Variants in CRB1 observed in about 807,000 individuals in gnomAD.
CRB1 encodes the protein protein crumbs homolog 1.
In CRB1, 83 loss-of-function variants were observed where a neutral mutation model predicts 120.0. The observed-to-expected ratio is 0.69, with a 90% confidence interval of 0.58 to 0.83. The LOEUF (loss-of-function observed/expected upper bound fraction) is 0.83. Ranked by LOEUF, CRB1 falls within the 40% of genes least tolerant of loss-of-function variation. The pLI, the probability that CRB1 is intolerant of heterozygous loss-of-function variation, is 0.00. For missense variants in CRB1, 1,699 were observed against 1,687.6 expected (o/e 1.01, Z -0.12); for synonymous variants, 625 against 612.5 (o/e 1.02, Z -0.30).
intron 5 of CRB1, among the ~76,000 whole-genome samples, chr1:197,378,364 A>G (rs1571429767): frequency 6.6e-6 from 1 of 152,348 alleles, no homozygotes; most frequent in Admixed American, 6.5e-5. Flanking sequence ...ACATTTTCCC[A>G]GGTGGCTATA....
intron 7 of CRB1, 77 bp from the exon 8 acceptor site, chr1:197,429,372 G>A: frequency 6.5e-7 from 1 of 1,529,818 alleles, no homozygotes. Flanking sequence ...TAAAAAAACA[G>A]ATATGTGGTT....
rs564571183 is a variant in CRB1 at position 197,344,441 on chromosome 1, T to C, written c.813T>C (p.Cys271=). ...CTGATGAGTGTGCCAGTCAACCTTG[T>C]CTCCATGGAGGGCTGTGTGTGGATG... ...LNTDECASQP[C]LHGGLCVDGE... Residue 271 remains cysteine (C), a synonymous_variant, in exon 3 of 12, where the codon TGT becomes TGC. Transcript: ENST00000367400. 2 of 1,614,094 alleles carry C rather than the reference T, an allele frequency of 1.2e-6. No homozygotes were observed. The highest frequency in any genetic ancestry group is 2.2e-5 in the South Asian group (2 of 91,068).
At chr1:197,288,581 C>A (rs1655972613) in intron 1 of CRB1, among the ~76,000 whole-genome samples, 1 of 151,760 alleles carries the variant, frequency 6.6e-6, no homozygotes. Context: ...GGCACCAAAA[C>A]AGTTATTACA....
chr1:197,217,890 A>G, the CRB1 span, among the ~76,000 whole-genome samples: 1 of 152,230 alleles, frequency 6.6e-6, no homozygotes, highest in Non-Finnish European at 1.5e-5. Context: ...TTTATGTGAA[A>G]AACATAGTAC....
At chr1:197,327,132 A>AAAAAAAAAC (rs1558055752) in intron 1 of CRB1, among the ~76,000 whole-genome samples, 3 of 148,778 alleles carry the variant, frequency 2.0e-5, no homozygotes, top group Admixed American at 6.7e-5. Flanking sequence ...AAAAAAAAAA[A>AAAAAAAAAC]CAGAAACCAA....
chr1:197,343,582 T>C (rs1376796972), intron 2 of CRB1, among the ~76,000 whole-genome samples: 2 of 152,158 alleles, frequency 1.3e-5, no homozygotes, highest in African/African-American at 4.8e-5. Flanking sequence ...GGTAGTATTT[T>C]ACAAAAAGAA....
intron 5 of CRB1, among the ~76,000 whole-genome samples, chr1:197,419,880 C>G (rs1311605363): frequency 6.7e-6 from 1 of 149,362 alleles, no homozygotes; most frequent in African/African-American, 2.5e-5. Context: ...GAGGCTGAGG[C>G]AGGAGAATGG....
the CRB1 span, among the ~76,000 whole-genome samples, chr1:197,219,867 GTA>G: frequency 2.6e-5 from 4 of 152,176 alleles, no homozygotes; most frequent in African/African-American, 9.7e-5. Flanking sequence ...CGGTTGTGTA[GTA>G]CTATCTCTGT....
At chr1:197,229,626 G>C in the CRB1 span, among the ~76,000 whole-genome samples, 1 of 152,026 alleles carries the variant, frequency 6.6e-6, no homozygotes, top group Non-Finnish European at 1.5e-5. Context: ...CTTCTCTAGT[G>C]GTTCCCAGTG....
intron 11 of CRB1, among the ~76,000 whole-genome samples, chr1:197,476,237 T>C (rs116674237): frequency 6.2e-4 from 94 of 151,888 alleles, no homozygotes; most frequent in African/African-American, 2.2e-3. Flanking sequence ...CTCCTTGAAG[T>C]ACTTGAGCAT....
chr1:197,341,995 A>G (rs1659492544), intron 2 of CRB1, among the ~76,000 whole-genome samples: 1 of 152,242 alleles, frequency 6.6e-6, no homozygotes, highest in Admixed American at 6.5e-5. Flanking sequence ...TGGTAGAGGT[A>G]TATGGTAGGT....
intron 5 of CRB1, among the ~76,000 whole-genome samples, chr1:197,390,913 C>T (rs557760330): frequency 6.6e-6 from 1 of 151,908 alleles, no homozygotes; most frequent in South Asian, 2.1e-4. Flanking sequence ...TAAGGTTATA[C>T]AAATATACTC....
intron 5 of CRB1, among the ~76,000 whole-genome samples, chr1:197,388,139 A>G (rs1003867753): frequency 6.6e-6 from 1 of 152,062 alleles, no homozygotes; most frequent in African/African-American, 2.4e-5. Flanking sequence ...GGTAGAACCT[A>G]CTACTCGATA....
Position 197,307,894 on chromosome 1 carries a change from C to T in CRB1, c.71-20528C>T. Among the ~76,000 whole-genome samples, 2 of 152,184 alleles carry T rather than the reference C, an allele frequency of 1.3e-5. 1 individual carries two copies. Among genetic ancestry groups the T allele is most frequent in the East Asian group, 3.8e-4 (2 of 5,196 alleles). On this transcript the variant is annotated intron_variant, in intron 1 of 11. Coordinates refer to ENST00000367400, the MANE Select transcript of CRB1 (RefSeq NM_201253.3). ...TGACCTTGAACAAGTTACTTAAACT[C>T]TCTTTTCGAGCTACCATTTAACCCA...
chr1:197,299,626 GA>G (rs1001434795), intron 1 of CRB1, among the ~76,000 whole-genome samples: 56 of 150,580 alleles, frequency 3.7e-4, no homozygotes, highest in African/African-American at 1.1e-3. Context: ...ACAAGAAAAG[GA>G]AAAAAAAAAC....
At chr1:197,448,234 T>C (rs1480394391) in intron 11 of CRB1, among the ~76,000 whole-genome samples, 1 of 152,202 alleles carries the variant, frequency 6.6e-6, no homozygotes, top group African/African-American at 2.4e-5. Flanking sequence ...TTTTTCTTCA[T>C]GTGGTTTGTT....
chr1:197,469,593 G>A (rs965783405), intron 11 of CRB1, among the ~76,000 whole-genome samples: 4 of 152,010 alleles, frequency 2.6e-5, no homozygotes, highest in African/African-American at 9.7e-5. Flanking sequence ...TCTTTAGTTA[G>A]CAACCACTGT....
At chr1:197,468,719 T>C (rs1257431027) in intron 11 of CRB1, among the ~76,000 whole-genome samples, 1 of 152,168 alleles carries the variant, frequency 6.6e-6, no homozygotes, top group Non-Finnish European at 1.5e-5. Flanking sequence ...TTCATGCGCA[T>C]ATGTTATGCC....
chr1:197,320,171 CA>C (rs1319393534), intron 1 of CRB1, among the ~76,000 whole-genome samples: 1 of 152,130 alleles, frequency 6.6e-6, no homozygotes, highest in East Asian at 1.9e-4. Context: ...TAGTATTCAC[CA>C]AAAATTGGAA....
Sources: gnomAD v4.1 joint callset for allele counts (sites outside exome capture counted in the v4.1 genomes callset) on GRCh38, gnomAD v4.1.1 for gene constraint, MANE v1.5 for transcripts, NCBI Gene and HGNC (gene_info 2026-07-23, HGNC 2026-07-21) for gene names.